The following CACNB2 variants were observed in gnomAD, a reference collection of about 807,000 sequenced individuals.
CACNB2 encodes the protein voltage-dependent L-type calcium channel subunit beta-2.
A neutral mutation model predicts 73.3 loss-of-function variants in CACNB2; 42 were observed. The observed-to-expected ratio is 0.57, with a 90% CI of 0.45 to 0.74. The LOEUF is 0.74. Ranked by LOEUF, CACNB2 falls within the 30% of genes least tolerant of loss-of-function variation. The pLI, the probability that CACNB2 is intolerant of heterozygous loss-of-function variation, is 0.00. For synonymous variants in CACNB2, 348 were observed against 310.3 expected, an observed-to-expected ratio of 1.12 and a Z score of -1.28; for missense variants, 940 against 853.0, an observed-to-expected ratio of 1.10 and a Z score of -1.27.
intron 2 of CACNB2, among the ~76,000 whole-genome samples, chr10:18,224,078 G>T (rs1406267339): frequency 6.6e-6 from 1 of 151,618 alleles, no homozygotes; most frequent in Non-Finnish European, 1.5e-5. Flanking sequence ...CTTTTAGGTG[G>T]CCCTAGAGAT....
intron 9 of CACNB2, among the ~76,000 whole-genome samples, chr10:18,525,803 C>T (rs2052411469): frequency 6.6e-6 from 1 of 152,066 alleles, no homozygotes; most frequent in Non-Finnish European, 1.5e-5. Context: ...TCTTCCAACT[C>T]TTTTTTGTTT....
chr10:18,221,049 C>G (rs1018095317), intron 2 of CACNB2, among the ~76,000 whole-genome samples: 2 of 152,130 alleles, frequency 1.3e-5, no homozygotes, highest in African/African-American at 4.8e-5. Flanking sequence ...GGCAGTTCTG[C>G]CTGCCTGGCT....
intron 2 of CACNB2, among the ~76,000 whole-genome samples, chr10:18,387,916 C>T (rs1022427956): frequency 6.6e-6 from 1 of 152,074 alleles, no homozygotes; most frequent in African/African-American, 2.4e-5. Context: ...GCTACCATGC[C>T]CAGCTCGTTT....
At chr10:18,278,965 C>T (rs1009191944) in intron 2 of CACNB2, among the ~76,000 whole-genome samples, 16 of 152,004 alleles carry the variant, frequency 1.1e-4, no homozygotes, top group African/African-American at 3.9e-4. Flanking sequence ...TGCAGTGAGC[C>T]ATGATCATGC....
At chr10:18,168,218 C>A (rs2032994923) in intron 2 of CACNB2, among the ~76,000 whole-genome samples, 1 of 152,024 alleles carries the variant, frequency 6.6e-6, no homozygotes, top group Non-Finnish European at 1.5e-5. Context: ...CCCAGGAGTT[C>A]AAGGCTGCAG....
chr10:18,498,519 C>G lies in CACNB2; in HGVS notation c.456+42C>G, dbSNP rs12257065. ...CATTTTCTAACAGCATGATGTTTCA[C>G]CTTGACATACCATTTCTTATTTCCT... On this transcript the variant is annotated intron_variant, in intron 4 of 13. Coordinates refer to ENST00000324631, the MANE Select transcript of CACNB2 (RefSeq NM_201596.3). The G allele has an allele frequency of 0.015, 23,292 of 1,598,636 alleles. 2,151 individuals carry two copies. In the African/African-American group the frequency reaches 0.24, roughly 16 times the overall value.
intron 2 of CACNB2, among the ~76,000 whole-genome samples, chr10:18,299,081 T>G (rs202227657): frequency 5.9e-4 from 22 of 36,994 alleles, no homozygotes; most frequent in Admixed American, 1.2e-3. Context: ...AAAAAAAAAA[T>G]AAAAAATAAA....
chr10:18,452,305 A>G (rs575379553), intron 3 of CACNB2, among the ~76,000 whole-genome samples: 2 of 152,170 alleles, frequency 1.3e-5, no homozygotes, highest in Non-Finnish European at 2.9e-5. Flanking sequence ...GGGCATGACT[A>G]TAGTCCTAGC....
At chr10:18,285,815 A>C (rs916834713) in intron 2 of CACNB2, among the ~76,000 whole-genome samples, 1 of 152,200 alleles carries the variant, frequency 6.6e-6, no homozygotes, top group African/African-American at 2.4e-5. Context: ...CGATCCTTTC[A>C]AATAGCTTTA....
At chr10:18,294,617 G>A (rs2039201565) in intron 2 of CACNB2, among the ~76,000 whole-genome samples, 2 of 152,240 alleles carry the variant, frequency 1.3e-5, no homozygotes, top group African/African-American at 4.8e-5. Flanking sequence ...CAATTGGTTG[G>A]TTAAACCTAT....
chr10:18,446,756 G>T (rs1478837421), intron 3 of CACNB2, among the ~76,000 whole-genome samples: 2 of 151,998 alleles, frequency 1.3e-5, no homozygotes, highest in Non-Finnish European at 2.9e-5. Context: ...ATACTTATTT[G>T]TCCACAGAAA....
At chr10:18,536,628 A>AC (rs2053631366) in intron 12 of CACNB2, among the ~76,000 whole-genome samples, 2 of 152,200 alleles carry the variant, frequency 1.3e-5, no homozygotes, top group African/African-American at 4.8e-5. Context: ...CTCATCACTT[A>AC]CAGTGGTATT....
chr10:18,479,359 C>T (rs1198589462), intron 3 of CACNB2, among the ~76,000 whole-genome samples: 1 of 152,128 alleles, frequency 6.6e-6, no homozygotes, highest in Non-Finnish European at 1.5e-5. Flanking sequence ...TGAGAAATTA[C>T]TGTAGGTATA....
At chr10:18,375,793 G>A (rs1019732203) in intron 2 of CACNB2, among the ~76,000 whole-genome samples, 3 of 152,046 alleles carry the variant, frequency 2.0e-5, no homozygotes, top group African/African-American at 4.8e-5. Context: ...TTGTTGATAC[G>A]CTGAAAACCA....
intron 2 of CACNB2, among the ~76,000 whole-genome samples, chr10:18,152,972 C>T (rs904048789): frequency 3.3e-4 from 50 of 152,066 alleles, no homozygotes; most frequent in African/African-American, 1.2e-3. Context: ...CTGTGAATTC[C>T]TTTTTCATAG....
chr10:18,389,348 A>G (rs2043367077), intron 2 of CACNB2, among the ~76,000 whole-genome samples: 5 of 152,142 alleles, frequency 3.3e-5, no homozygotes, highest in Admixed American at 2.0e-4. Flanking sequence ...TATGTTGCAA[A>G]GGCAGGTCTT....
intron 3 of CACNB2, among the ~76,000 whole-genome samples, chr10:18,408,231 C>CTT (rs71402161): frequency 0.032 from 2,467 of 77,956 alleles, 153 homozygotes; most frequent in East Asian, 0.041. Context: ...CTATCCCTGA[C>CTT]TTTTTTTTTT....
intron 2 of CACNB2, among the ~76,000 whole-genome samples, chr10:18,345,089 G>T (rs1317789607): frequency 6.6e-6 from 1 of 152,062 alleles, no homozygotes; most frequent in Non-Finnish European, 1.5e-5. Flanking sequence ...CTTTTTAATT[G>T]ATTTTATAAT....
At chr10:18,179,793 C>A (rs1432266077) in intron 2 of CACNB2, among the ~76,000 whole-genome samples, 1 of 152,164 alleles carries the variant, frequency 6.6e-6, no homozygotes, top group African/African-American at 2.4e-5. Context: ...AAAACTCTTT[C>A]AGTTCAGACA....
Sources: allele counts gnomAD v4.1 joint callset (sites outside exome capture counted in the v4.1 genomes callset), GRCh38; gene constraint gnomAD v4.1.1; transcripts MANE v1.5; gene names NCBI Gene and HGNC (gene_info 2026-07-23, HGNC 2026-07-21).